Variants in SPTA1 observed in about 807,000 individuals in gnomAD.
SPTA1 encodes the protein spectrin alpha chain, erythrocytic 1.
A neutral mutation model predicts 324.7 loss-of-function variants in SPTA1; 177 were observed. The ratio of observed to expected loss-of-function variants is 0.55; its 90% CI spans 0.48 to 0.62. The LOEUF (loss-of-function observed/expected upper bound fraction) is 0.62, where lower values mean the gene tolerates loss of function less well. Ranked by LOEUF, SPTA1 falls within the 20% of genes least tolerant of loss-of-function variation. The probability of loss-of-function intolerance (pLI) is 0.00; values close to 1 mark genes in which losing one functional copy is unlikely to be tolerated. For synonymous variants in SPTA1, 1,195 were observed against 1,041.3 expected (o/e 1.15, Z -2.84); for missense variants, 3,162 against 2,883.6 (o/e 1.10, Z -2.21).
chr1:158,633,661 G>GAAA (rs1036389907), intron 39 of SPTA1, among the ~76,000 whole-genome samples: 2 of 61,226 alleles, frequency 3.3e-5, no homozygotes, highest in African/African-American at 1.0e-4. Context: ...ACTCTGTCTC[G>GAAA]AAAAAAAAAA....
At position 158,676,578 on chromosome 1, in the gene SPTA1, C is replaced by T. The variant is rs750983903; in HGVS notation, c.958-283G>A. Among the ~76,000 whole-genome samples the T allele has an allele frequency of 3.9e-5, 6 of 152,026 alleles. 1 individual carries two copies. The South Asian group carries it at 8.3e-4, about 21-fold the overall frequency. ...GAATTACTCTTATTTTTCTTTTATG[C>T]GAAAACTGAGAGATTAAGTATTTTA... On this transcript the variant is annotated intron_variant, in intron 7 of 51. Coordinates refer to ENST00000643759, the MANE Select transcript of SPTA1 (RefSeq NM_003126.4).
chr1:158,642,764 C>A, intron 32 of SPTA1, 50 bp downstream of exon 32: 1 of 1,613,428 alleles, frequency 6.2e-7, no homozygotes, highest in Non-Finnish European at 8.5e-7. Flanking sequence ...ACTATCCAAC[C>A]AACAAGCTCG....
At position 158,639,496 on chromosome 1, in the gene SPTA1, T is replaced by A. The variant is rs183990863; in HGVS notation, c.4980+86A>T. The A allele has an allele frequency of 1.9e-3, 2,756 of 1,420,484 alleles. 8 individuals carry two copies. The highest frequency in any genetic ancestry group is 5.8e-3 in the South Asian group (500 of 86,864). 88.0% of individuals were successfully genotyped at this position (1,420,484 alleles called of 1,614,324 possible). A position where few individuals can be genotyped will look rare whatever the true frequency, so the allele number is the denominator to read the frequency against. On this transcript the variant is annotated intron_variant, in intron 35 of 51. Transcript: ENST00000643759. ...TAAGAACAATTTTGCAAGGCTATGT[T>A]TTCAAATGGTCTCCTAACATGGGAG...
At chr1:158,629,740 T>C (rs1019418802) in intron 39 of SPTA1, among the ~76,000 whole-genome samples, 2 of 151,924 alleles carry the variant, frequency 1.3e-5, no homozygotes, top group Admixed American at 6.6e-5. Context: ...TGACATAATC[T>C]TAAATACAGA....
rs149441716 is a variant in SPTA1 at position 158,669,424 on chromosome 1, T to C, written c.1817A>G (p.Asp606Gly). 779 of 1,614,158 alleles carry C rather than the reference T, an allele frequency of 4.8e-4. 5 individuals are homozygous for C. The African/African-American group carries it at 8.8e-3, about 18-fold the overall frequency. Reference protein sequence around the residue: ...NWINKKKKLADDEDYKDIQNL... With the variant: ...NWINKKKKLAGDEDYKDIQNL... ...TCTGCCTACCTTGTAATCTTCATCA[T>C]CTGCCAACTTTTTCTTCTTGTTGAT... The change falls in exon 14 of 52, where the codon GAT becomes GGT. Residue 606 changes from aspartate to glycine, a missense_variant. Transcript: ENST00000643759.
intron 5 of SPTA1, among the ~76,000 whole-genome samples, chr1:158,679,086 C>T (rs1279924322): frequency 6.6e-6 from 1 of 152,052 alleles, no homozygotes; most frequent in Non-Finnish European, 1.5e-5. Flanking sequence ...CTAGATTAAG[C>T]TGGAAGCATC....
rs1410287553 is a variant in SPTA1, at chr1:158,681,679, A to G, written c.391-12T>C. On this transcript the variant is annotated splice_polypyrimidine_tract_variant and intron_variant, in intron 3 of 51. Transcript: ENST00000643759. Reference sequence around the variant, plus strand: ...TCCTCTATATGGGCCTTTAGGAAAGAGGGGCAAAACCACTCAGCCACAGAC... The same window carrying G: ...TCCTCTATATGGGCCTTTAGGAAAGGGGGGCAAAACCACTCAGCCACAGAC... 6.2e-7 allele frequency: 1 copy of G among 1,613,408 alleles called. No individual in the cohort carries two copies. The highest frequency in any genetic ancestry group is 1.3e-5 in the African/African-American group (1 of 74,864).
At chr1:158,640,733 C>G (rs1189327749) in intron 33 of SPTA1, among the ~76,000 whole-genome samples, 1 of 152,034 alleles carries the variant, frequency 6.6e-6, no homozygotes, top group Non-Finnish European at 1.5e-5. Context: ...GCCATACTGC[C>G]CAAGGTAATT....
intron 3 of SPTA1, among the ~76,000 whole-genome samples, chr1:158,682,599 A>G (rs1654889261): frequency 6.6e-6 from 1 of 152,158 alleles, no homozygotes; most frequent in Non-Finnish European, 1.5e-5. Context: ...TTTTTATGCT[A>G]TATATAGAAA....
At chr1:158,650,403 C>T (rs1385392322) in intron 24 of SPTA1, among the ~76,000 whole-genome samples, 2 of 152,152 alleles carry the variant, frequency 1.3e-5, no homozygotes, top group East Asian at 3.8e-4. Context: ...CCCATAACAA[C>T]CACTATAAAA....
rs1425399937 is a variant in SPTA1 at position 158,666,454 on chromosome 1, A to C, written c.2082T>G (p.Asn694Lys). The C allele has an allele frequency of 6.2e-7, 1 of 1,612,504 alleles. No individual in the cohort carries two copies. Among genetic ancestry groups the C allele is most frequent in the African/African-American group, 1.3e-5 (1 of 74,848 alleles). Residue 694 changes from asparagine (N) to lysine (K), a missense_variant, in exon 16 of 52, where the codon AAT (asparagine) becomes AAG (lysine). Transcript: ENST00000643759. ...GCCAGCGCTGCAAATCTTCTGCATT[A>C]TTTTCAAATTGCAGCTGCTGGTTGG... The part of the protein sequence containing the change: ...HEANQQLQFE[N>K]NAEDLQRWLE...
intron 38 of SPTA1, 22 bp downstream of exon 38, chr1:158,635,891 G>A (rs370390650): frequency 2.5e-6 from 4 of 1,613,942 alleles, no homozygotes; most frequent in African/African-American, 2.7e-5. Context: ...GAAGGGAACT[G>A]GGCCTTCTGT....
intron 40 of SPTA1, 76 bp downstream of exon 40, chr1:158,627,549 A>T: frequency 1.5e-6 from 2 of 1,379,308 alleles, no homozygotes; most frequent in African/African-American, 2.8e-5. Flanking sequence ...TCTGCATATG[A>T]TCTTAGCATT....
chr1:158,681,384 G>GC lies in SPTA1; in HGVS notation c.531+142dup. On this transcript the variant is annotated intron_variant, in intron 4 of 51. Coordinates refer to ENST00000643759, the MANE Select transcript of SPTA1 (RefSeq NM_003126.4). The stretch of plus-strand genomic sequence containing the variant: ...GACCTCCAGATACCCCTACATTTTG[G>GC]CCCCAATTTCCTCTTGTTCCAAAGA... The GC allele has an allele frequency of 2.3e-6, 3 of 1,284,376 alleles. No individual in the cohort carries two copies. In the South Asian group the frequency reaches 3.6e-5, roughly 15 times the overall value. 79.6% of individuals were successfully genotyped at this position (1,284,376 alleles called of 1,614,324 possible).
intron 39 of SPTA1, among the ~76,000 whole-genome samples, chr1:158,632,733 G>A (rs1350623395): frequency 2.7e-5 from 4 of 148,590 alleles, no homozygotes; most frequent in Non-Finnish European, 5.9e-5. Context: ...AAATGATATA[G>A]CCATACAAAC....
intron 45 of SPTA1, 64 bp downstream of exon 45, chr1:158,619,158 A>C: frequency 6.8e-7 from 1 of 1,467,512 alleles, no homozygotes; most frequent in Non-Finnish European, 9.6e-7. Flanking sequence ...TCAAACATGT[A>C]TTTCATCCCT....
intron 39 of SPTA1, among the ~76,000 whole-genome samples, chr1:158,630,704 C>T (rs2101792136): frequency 6.6e-6 from 1 of 151,820 alleles, no homozygotes; most frequent in South Asian, 2.1e-4. Flanking sequence ...AAAAGGCAGC[C>T]CACTGAATGA....
At chr1:158,677,913 A>C (rs564120868) in intron 6 of SPTA1, 79 bp from the exon 7 acceptor site, 1 of 1,575,726 alleles carries the variant, frequency 6.3e-7, no homozygotes, top group African/African-American at 1.3e-5. Context: ...ACTCACAGCA[A>C]GGACCATCCT....
chr1:158,617,227 C>T lies in SPTA1; in HGVS notation c.6600+310G>A, dbSNP rs568806916. On this transcript the variant is annotated intron_variant, in intron 47 of 51. Coordinates refer to ENST00000643759, the MANE Select transcript of SPTA1 (RefSeq NM_003126.4). ...TTCTAAATCCTTTGTAGCCACAAAA[C>T]GTGAAACCACCCACCCACTGTTCCC... Among the ~76,000 whole-genome samples the T allele has an allele frequency of 3.9e-5, 6 of 152,288 alleles. No homozygotes were observed. The Middle Eastern group carries it at 0.014, about 345-fold the overall frequency.
Sources: allele counts gnomAD v4.1 joint callset (sites outside exome capture counted in the v4.1 genomes callset), GRCh38; gene constraint gnomAD v4.1.1; transcripts MANE v1.5; gene names NCBI Gene and HGNC (gene_info 2026-07-23, HGNC 2026-07-21).